Variants in KCNH5 observed in about 807,000 individuals in gnomAD.
The protein encoded by KCNH5 is voltage-gated delayed rectifier potassium channel KCNH5.
In KCNH5, 46 loss-of-function variants were observed where a neutral mutation model predicts 96.1. That is an observed-to-expected ratio of 0.48 (90% confidence interval 0.38 to 0.61). The LOEUF is 0.61. Among genes scored for constraint, KCNH5 ranks in the 20% least tolerant of loss-of-function variants. KCNH5 has a pLI of 0.00. For synonymous variants in KCNH5, 439 were observed against 449.8 expected (o/e 0.98, Z 0.30); for missense variants, 907 against 1,225.8 (o/e 0.74, Z 3.88).
In KCNH5 at chr14:63,003,504, TTTATATATA is replaced by T. The variant is rs1396960307; in HGVS notation, c.305-2054_305-2046del. ...TATTTTATATATATTATATATATAT[TTTATATATA>T]TTTTATATATTTTATATATATTATA... On this transcript the variant is annotated intron_variant, in intron 3 of 10. Coordinates refer to ENST00000322893, the MANE Select transcript of KCNH5 (RefSeq NM_139318.5). Among the ~76,000 whole-genome samples the T allele has an allele frequency of 1.4e-4, 17 of 123,302 alleles. No homozygotes were observed. In the Middle Eastern group the frequency reaches 0.019, roughly 136 times the overall value. The allele number at this position is 123,302 out of a possible 152,430, so 80.9% of individuals were successfully genotyped here.
chr14:62,989,912 A>G (rs1890778535), intron 4 of KCNH5, among the ~76,000 whole-genome samples: 1 of 152,096 alleles, frequency 6.6e-6, no homozygotes, highest in Non-Finnish European at 1.5e-5. Context: ...TCATAGGTAT[A>G]TTATAATTTT....
At chr14:62,745,609 T>C (rs1010998702) in intron 10 of KCNH5, among the ~76,000 whole-genome samples, 6 of 152,246 alleles carry the variant, frequency 3.9e-5, no homozygotes, top group South Asian at 2.1e-4. Context: ...CCAAACATCA[T>C]GTCTGTAAGG....
chr14:62,897,955 T>A (rs988724421), intron 7 of KCNH5, among the ~76,000 whole-genome samples: 9 of 152,090 alleles, frequency 5.9e-5, no homozygotes, highest in Admixed American at 2.6e-4. Context: ...ATGTTTTAAT[T>A]TGGATGTGAA....
At chr14:62,841,729 C>A (rs1373674957) in intron 8 of KCNH5, among the ~76,000 whole-genome samples, 2 of 152,214 alleles carry the variant, frequency 1.3e-5, no homozygotes, top group Admixed American at 1.3e-4. Context: ...TATCTGCTAC[C>A]TCTTATTATT....
In KCNH5 at chr14:62,969,818, T is replaced by C. The variant is rs150995149; in HGVS notation, c.942+11054A>G. Among the ~76,000 whole-genome samples the C allele has an allele frequency of 7.9e-4, 117 of 147,442 alleles. 1 individual carries two copies. The East Asian group carries it at 0.021, about 27-fold the overall frequency. Reference sequence around the variant, plus strand: ...GGCTCATGCCTGGAATCCCAGCACTTTGGGAGGCTGAGGCAGGCAGATCAC... The same window carrying C: ...GGCTCATGCCTGGAATCCCAGCACTCTGGGAGGCTGAGGCAGGCAGATCAC... On this transcript the variant is annotated intron_variant, in intron 6 of 10. Transcript: ENST00000322893.
chr14:62,708,624 T>C (rs990831561), intron 10 of KCNH5, among the ~76,000 whole-genome samples, 169 bp from the exon 11 acceptor site: 10 of 152,214 alleles, frequency 6.6e-5, no homozygotes, highest in African/African-American at 2.4e-4. Context: ...ATTGCATTTA[T>C]GAAATTTATG....
At chr14:63,028,469 A>T (rs1028834782) in intron 1 of KCNH5, among the ~76,000 whole-genome samples, 21 of 152,180 alleles carry the variant, frequency 1.4e-4, no homozygotes, top group Non-Finnish European at 1.0e-4. Flanking sequence ...ATCACTCATC[A>T]GGCAATAAGT....
intron 7 of KCNH5, among the ~76,000 whole-genome samples, chr14:62,886,182 C>T (rs1203263144): frequency 6.6e-6 from 1 of 151,744 alleles, no homozygotes; most frequent in East Asian, 1.9e-4. Flanking sequence ...CTCTGAGCAT[C>T]TTCAGGCTGC....
intron 10 of KCNH5, among the ~76,000 whole-genome samples, chr14:62,715,443 C>T (rs941913468): frequency 1.3e-5 from 2 of 152,152 alleles, no homozygotes; most frequent in African/African-American, 2.4e-5. Context: ...ATCTTAGTCA[C>T]GAATTCTAAC....
chr14:62,765,807 A>G (rs1885847560), intron 10 of KCNH5, among the ~76,000 whole-genome samples: 1 of 152,176 alleles, frequency 6.6e-6, no homozygotes. Flanking sequence ...GCAATACCCC[A>G]CAAGCACAGA....
At chr14:63,006,494 C>T (rs138796518) in intron 2 of KCNH5, 22 bp from the exon 3 acceptor site, 73 of 1,374,174 alleles carry the variant, frequency 5.3e-5, no homozygotes, top group Non-Finnish European at 6.9e-5. Context: ...AAAAAACAAA[C>T]AATCGATTTC....
At chr14:62,956,374 C>T (rs1890104492) in intron 6 of KCNH5, among the ~76,000 whole-genome samples, 1 of 152,144 alleles carries the variant, frequency 6.6e-6, no homozygotes, top group African/African-American at 2.4e-5. Context: ...TTACAAAAGG[C>T]ATGAGGAGAC....
At chr14:62,736,994 A>T (rs1216159718) in intron 10 of KCNH5, among the ~76,000 whole-genome samples, 2 of 152,032 alleles carry the variant, frequency 1.3e-5, no homozygotes, top group African/African-American at 4.8e-5. Flanking sequence ...TATAGTCATT[A>T]TTTCCTCTGC....
At chr14:62,782,509 G>T (rs915905977) in intron 9 of KCNH5, among the ~76,000 whole-genome samples, 8 of 152,314 alleles carry the variant, frequency 5.3e-5, no homozygotes, top group African/African-American at 1.9e-4. Context: ...AAGGAAGGGA[G>T]ATCAGAGACT....
At chr14:62,882,138 G>A (rs1888506529) in intron 7 of KCNH5, among the ~76,000 whole-genome samples, 1 of 146,230 alleles carries the variant, frequency 6.8e-6, no homozygotes, top group Admixed American at 6.9e-5. Context: ...GCTGGGGCAT[G>A]GTGGTATGAG....
chr14:62,879,669 T>A (rs954985614), intron 7 of KCNH5, among the ~76,000 whole-genome samples: 9 of 152,184 alleles, frequency 5.9e-5, no homozygotes, highest in Admixed American at 5.9e-4. Flanking sequence ...TACAGTTATC[T>A]TACTCTGCTC....
intron 10 of KCNH5, chr14:62,712,521 C>T: frequency 1.5e-6 from 1 of 649,292 alleles, no homozygotes; most frequent in Non-Finnish European, 2.8e-6. Context: ...AACTGTGTGT[C>T]CAGGATGCAA....
intron 10 of KCNH5, among the ~76,000 whole-genome samples, chr14:62,746,054 A>G (rs1182672939): frequency 6.6e-6 from 1 of 152,162 alleles, no homozygotes; most frequent in Non-Finnish European, 1.5e-5. Context: ...CAAGACTAGA[A>G]GTTTCTAGGA....
At chr14:62,839,150 CAT>C (rs1240670317) in intron 8 of KCNH5, among the ~76,000 whole-genome samples, 6 of 151,562 alleles carry the variant, frequency 4.0e-5, no homozygotes, top group Non-Finnish European at 7.4e-5. Context: ...ATACTTATAA[CAT>C]AAATTGATGT....
Sources: gnomAD v4.1 joint callset for allele counts (sites outside exome capture counted in the v4.1 genomes callset) on GRCh38, gnomAD v4.1.1 for gene constraint, MANE v1.5 for transcripts, NCBI Gene and HGNC (gene_info 2026-07-23, HGNC 2026-07-21) for gene names.